Variants in MROH7 observed in about 807,000 individuals in gnomAD.
The protein encoded by MROH7 is maestro heat like repeat family member 7.
Under a neutral mutation model 129.2 loss-of-function variants are expected in MROH7, and 113 were observed. The observed-to-expected ratio is 0.87, with a 90% CI of 0.75 to 1.02. MROH7 has a LOEUF of 1.02. MROH7 is among the 50% of genes least tolerant of loss of function. The pLI, the probability that MROH7 is intolerant of heterozygous loss-of-function variation, is 0.00. For synonymous variants in MROH7, 655 were observed against 667.9 expected (o/e 0.98, Z 0.30); for missense variants, 1,601 against 1,671.3 (o/e 0.96, Z 0.73).
chr1:54,709,316 T>C (rs1645586822), intron 23 of MROH7, among the ~76,000 whole-genome samples: 1 of 152,210 alleles, frequency 6.6e-6, no homozygotes, highest in Non-Finnish European at 1.5e-5. Flanking sequence ...CGCTCCTGGT[T>C]CAAGCGATTC....
At position 54,702,645 on chromosome 1, in the gene MROH7, G is replaced by A. The variant is rs781739256; in HGVS notation, c.3464G>A (p.Arg1155His). Reference protein sequence around the residue: ...VSQKCVKTLLRCSYFMAWELP... With the variant: ...VSQKCVKTLLHCSYFMAWELP... ...CAGAAGTGTGTGAAGACCCTGTTAC[G>A]CTGTTCTTACTTCATGGCTTGGGAG... Residue 1155 changes from arginine (R) to histidine (H), a missense_variant, in exon 21 of 24, where the codon CGC becomes CAC. By Grantham distance (29) the Arg-to-His change is conservative (BLOSUM62 0). Coordinates refer to ENST00000421030, the MANE Select transcript of MROH7 (RefSeq NM_001039464.4). The A allele has an allele frequency of 1.4e-5, 23 of 1,613,114 alleles. No homozygotes were observed. Among genetic ancestry groups the A allele is most frequent in the South Asian group, 7.7e-5 (7 of 90,902 alleles).
chr1:54,704,429 A>ATT (rs34380712), intron 21 of MROH7, among the ~76,000 whole-genome samples: 43 of 112,254 alleles, frequency 3.8e-4, no homozygotes, highest in South Asian at 6.2e-4. Context: ...CTAGAAACCT[A>ATT]TTTTTTTTTT....
chr1:54,680,116 C>T, intron 13 of MROH7, 71 bp downstream of exon 13: 2 of 1,444,522 alleles, frequency 1.4e-6, no homozygotes, highest in Non-Finnish European at 1.9e-6. Context: ...AGGTTGGGGA[C>T]CCCCTTCTGC....
At chr1:54,669,234 G>C (rs144013723) in intron 5 of MROH7, among the ~76,000 whole-genome samples, 1,588 of 152,284 alleles carry the variant, frequency 0.01, 9 homozygotes, top group South Asian at 0.033. Flanking sequence ...GTAAAGGCTT[G>C]TACACCCAGA....
intron 10 of MROH7, among the ~76,000 whole-genome samples, chr1:54,677,449 A>C (rs995626153): frequency 7.0e-4 from 107 of 152,076 alleles, no homozygotes; most frequent in African/African-American, 2.6e-3. Flanking sequence ...AACAAACAAA[A>C]AACCCGAAGT....
chr1:54,695,281 C>T, intron 16 of MROH7, 95 bp from the exon 17 acceptor site: 1 of 679,752 alleles, frequency 1.5e-6, no homozygotes. Flanking sequence ...GTGATCCTGG[C>T]TTACCCAGGA....
At position 54,668,837 on chromosome 1, in the gene MROH7, C is replaced by T. The variant is rs777709641; in HGVS notation, c.1306-17C>T. The T allele has an allele frequency of 1.2e-6, 2 of 1,608,292 alleles. No individual in the cohort carries two copies. The highest frequency in any genetic ancestry group is 2.2e-5 in the South Asian group (2 of 90,908). On this transcript the variant is annotated splice_polypyrimidine_tract_variant and intron_variant, in intron 4 of 23. Transcript: ENST00000421030. ...TGGGTCTCTCACTCTGAGGTTTTGC[C>T]CTCTGCTGTCCCCTAGGTTGAGAAT...
chr1:54,662,009 A>G (rs1209408052), intron 3 of MROH7, among the ~76,000 whole-genome samples: 4 of 151,962 alleles, frequency 2.6e-5, no homozygotes, highest in Non-Finnish European at 5.9e-5. Flanking sequence ...GCTTGAACCC[A>G]GGAGTTTGCA....
intron 4 of MROH7, 50 bp from the exon 5 acceptor site, chr1:54,668,804 G>A: frequency 1.4e-6 from 2 of 1,444,456 alleles, no homozygotes; most frequent in Non-Finnish European, 1.9e-6. Context: ...CCTGAGGACT[G>A]GGCTCAGTGG....
Position 54,670,823 on chromosome 1 carries a change from T to C in MROH7, c.1493T>C (p.Met498Thr), listed in dbSNP as rs765605278. The change falls in exon 7 of 24, where the codon ATG (methionine) becomes ACG (threonine). Residue 498 changes from methionine to threonine, a missense_variant. Physicochemically the swap from Met to Thr is moderately conservative, Grantham distance 81. Coordinates refer to ENST00000421030, the MANE Select transcript of MROH7 (RefSeq NM_001039464.4). ...QLSHTQPTLGMRERSELVNVC... is the reference protein window; with the variant it reads ...QLSHTQPTLGTRERSELVNVC... ...AGCCACACCCAGCCCACCCTGGGCA[T>C]GCGGGAGAGGTCGGAGCTGGTGAAC... is the stretch of plus-strand genomic sequence containing the variant. 6 of 1,614,064 alleles carry C rather than the reference T, an allele frequency of 3.7e-6. No individual in the cohort carries two copies. In the Middle Eastern group the frequency reaches 5.0e-4, roughly 133 times the overall value.
At chr1:54,674,776 C>T (rs925009199) in intron 10 of MROH7, among the ~76,000 whole-genome samples, 2 of 152,172 alleles carry the variant, frequency 1.3e-5, no homozygotes, top group African/African-American at 2.4e-5. Flanking sequence ...TCACTTGCCT[C>T]CTTCCTTTCT....
intron 14 of MROH7, among the ~76,000 whole-genome samples, chr1:54,684,079 G>A (rs1645110917): frequency 6.6e-6 from 1 of 152,146 alleles, no homozygotes; most frequent in Non-Finnish European, 1.5e-5. Context: ...GTTTTTGTTG[G>A]GCTGATTTAT....
At chr1:54,706,312 C>A in intron 21 of MROH7, 123 bp from the exon 22 acceptor site, 3 of 709,994 alleles carry the variant, frequency 4.2e-6, no homozygotes, top group African/African-American at 3.5e-5. Context: ...GGGACTCATG[C>A]AGAGGGAGCA....
At position 54,653,204 on chromosome 1, in the gene MROH7, C is replaced by A. The variant is rs771382138; in HGVS notation, c.278C>A (p.Ser93Tyr). Residue 93 changes from serine (S) to tyrosine (Y), a missense_variant, in exon 3 of 24, where the codon TCC becomes TAC. Physicochemically the swap from Ser to Tyr is moderately radical, Grantham distance 144. Coordinates refer to ENST00000421030, the MANE Select transcript of MROH7 (RefSeq NM_001039464.4). The part of the protein sequence containing the change: ...PDDSRAIAPA[S>Y]LQITSSCSGE... ...GACAGCAGAGCTATCGCTCCAGCCTCCCTCCAGATCACCAGTTCTTGTTCT... is the reference window on the plus strand; with the variant it reads ...GACAGCAGAGCTATCGCTCCAGCCTACCTCCAGATCACCAGTTCTTGTTCT... The A allele has an allele frequency of 2.5e-6, 4 of 1,614,084 alleles. No homozygotes were observed. Among genetic ancestry groups the A allele is most frequent in the Non-Finnish European group, 3.4e-6 (4 of 1,180,044 alleles).
Position 54,653,579 on chromosome 1 carries a change from T to C in MROH7, c.653T>C (p.Leu218Pro), listed in dbSNP as rs1172751421. Residue 218 changes from leucine (L) to proline (P), a missense_variant, in exon 3 of 24, where the codon CTC becomes CCC. Transcript: ENST00000421030. ...CTGGACCTTGACTCCAATCCATTGC[T>C]CAACATGGGCTCAAGAAACACCTCC... ...SSLDLDSNPLLNMGSRNTSKL... is the reference protein window; with the variant it reads ...SSLDLDSNPLPNMGSRNTSKL... 6.2e-7 allele frequency: 1 copy of C among 1,614,132 alleles called. No individual in the cohort carries two copies. The highest frequency in any genetic ancestry group is 8.5e-7 in the Non-Finnish European group (1 of 1,180,018).
At chr1:54,675,184 C>T (rs1405686658) in intron 10 of MROH7, among the ~76,000 whole-genome samples, 1 of 152,146 alleles carries the variant, frequency 6.6e-6, no homozygotes, top group African/African-American at 2.4e-5. Flanking sequence ...CCATGTTGGC[C>T]AGGCTGGTCT....
intron 15 of MROH7, among the ~76,000 whole-genome samples, chr1:54,686,971 C>T (rs902247285): frequency 6.6e-6 from 1 of 152,158 alleles, no homozygotes; most frequent in Non-Finnish European, 1.5e-5. Flanking sequence ...AATGACAGCA[C>T]CTCACACTGC....
intron 13 of MROH7, 21 bp downstream of exon 13, chr1:54,680,066 C>T: frequency 6.2e-7 from 1 of 1,609,718 alleles, no homozygotes; most frequent in Non-Finnish European, 8.5e-7. Context: ...AAGGGGTTCC[C>T]AGCCACTGCA....
At chr1:54,679,834 G>T (rs1257161522) in intron 12 of MROH7, 57 bp from the exon 13 acceptor site, 21 of 1,542,568 alleles carry the variant, frequency 1.4e-5, no homozygotes, top group Non-Finnish European at 1.8e-5. Context: ...CCTTCCTGCT[G>T]CCCCCGTGCT....
Sources: allele counts gnomAD v4.1 joint callset (sites outside exome capture counted in the v4.1 genomes callset), GRCh38; gene constraint gnomAD v4.1.1; transcripts MANE v1.5; gene names NCBI Gene and HGNC (gene_info 2026-07-23, HGNC 2026-07-21).